Variants in CSMD1 observed in about 807,000 individuals in gnomAD.
CSMD1 encodes the protein CUB and sushi domain-containing protein 1.
A neutral mutation model predicts 417.5 loss-of-function variants in CSMD1; 213 were observed. That is an observed-to-expected ratio of 0.51 (90% CI 0.46 to 0.57). The LOEUF is 0.57. CSMD1 is among the 20% of genes least tolerant of loss of function. The pLI, the probability that CSMD1 is intolerant of heterozygous loss-of-function variation, is 0.00. For synonymous variants in CSMD1, 2,862 were observed against 1,736.8 expected (o/e 1.65, Z -16.11); for missense variants, 6,923 against 4,529.7 (o/e 1.53, Z -15.17).
At chr8:3,256,452 C>G (rs78394973) in intron 26 of CSMD1, among the ~76,000 whole-genome samples, 11 of 152,148 alleles carry the variant, frequency 7.2e-5, no homozygotes, top group African/African-American at 2.4e-4. Flanking sequence ...GTCCCCTTCT[C>G]CTAACTTTTT....
intron 41 of CSMD1, among the ~76,000 whole-genome samples, chr8:3,141,527 C>A (rs1818479465): frequency 6.6e-6 from 1 of 152,114 alleles, no homozygotes; most frequent in Admixed American, 6.5e-5. Flanking sequence ...AGGGGTCATG[C>A]AGCCTCTGGT....
intron 5 of CSMD1, among the ~76,000 whole-genome samples, chr8:3,945,770 T>C (rs1411350191): frequency 1.3e-5 from 2 of 152,068 alleles, no homozygotes; most frequent in Non-Finnish European, 2.9e-5. Flanking sequence ...GAACTGGAGA[T>C]ATGAAAGTAG....
At chr8:3,983,280 A>G (rs544327621) in intron 5 of CSMD1, among the ~76,000 whole-genome samples, 57 of 151,718 alleles carry the variant, frequency 3.8e-4, no homozygotes, top group African/African-American at 9.4e-4. Context: ...ACAGGCGCCC[A>G]CCACCACGCC....
chr8:4,116,715 G>A (rs983845899), intron 3 of CSMD1, among the ~76,000 whole-genome samples: 4 of 151,998 alleles, frequency 2.6e-5, no homozygotes, highest in Admixed American at 2.0e-4. Context: ...CCATGCAGCA[G>A]GGCAGGTGTT....
In CSMD1 at chr8:3,686,877, C is replaced by T. The variant is rs547975332; in HGVS notation, c.1009+21537G>A. ...GCATGCTTTTCTCCTGTTAATCTTT[C>T]TTATGTCGATTTCATTCTTGGGCCG... On this transcript the variant is annotated intron_variant, in intron 7 of 69. Transcript: ENST00000635120. Among the ~76,000 whole-genome samples the T allele has an allele frequency of 1.2e-4, 19 of 152,258 alleles. No individual in the cohort carries two copies. In the East Asian group the frequency reaches 3.3e-3, roughly 26 times the overall value.
intron 3 of CSMD1, among the ~76,000 whole-genome samples, chr8:4,191,733 G>T (rs893154540): frequency 1.2e-4 from 13 of 112,708 alleles, no homozygotes; most frequent in African/African-American, 3.9e-4. Flanking sequence ...TGAAAAAAGG[G>T]AAGGTCATTC....
intron 12 of CSMD1, among the ~76,000 whole-genome samples, chr8:3,413,238 G>C (rs765397403): frequency 6.6e-6 from 1 of 151,538 alleles, no homozygotes; most frequent in Non-Finnish European, 1.5e-5. Flanking sequence ...TTTCTCCTTA[G>C]AGTAAAATAA....
chr8:3,881,345 G>A (rs1382965970), intron 5 of CSMD1, among the ~76,000 whole-genome samples: 2 of 150,074 alleles, frequency 1.3e-5, no homozygotes, highest in South Asian at 4.2e-4. Flanking sequence ...TATATAAAAA[G>A]CAAGTTGGGG....
chr8:4,832,305 T>G (rs1017271158), intron 1 of CSMD1, among the ~76,000 whole-genome samples: 2 of 152,060 alleles, frequency 1.3e-5, no homozygotes, highest in African/African-American at 4.8e-5. Flanking sequence ...TTAGCGCACA[T>G]GAGGAGATGG....
chr8:4,023,673 G>C (rs1413175163), intron 4 of CSMD1, among the ~76,000 whole-genome samples: 6 of 143,670 alleles, frequency 4.2e-5, no homozygotes. Context: ...TGCAAGCTCC[G>C]CCTCCAGGGT....
intron 3 of CSMD1, among the ~76,000 whole-genome samples, chr8:4,308,242 AG>A (rs1158682177): frequency 6.6e-6 from 1 of 151,786 alleles, no homozygotes; most frequent in Admixed American, 6.6e-5. Context: ...AGTCATGTAT[AG>A]TTTTTTTTAT....
intron 5 of CSMD1, among the ~76,000 whole-genome samples, chr8:3,766,595 T>A (rs547131953): frequency 6.6e-6 from 1 of 152,132 alleles, no homozygotes; most frequent in Non-Finnish European, 1.5e-5. Context: ...AAAAAGGCAG[T>A]GTCGCCAAAC....
At chr8:4,304,407 A>T (rs905749801) in intron 3 of CSMD1, among the ~76,000 whole-genome samples, 7 of 152,162 alleles carry the variant, frequency 4.6e-5, no homozygotes, top group African/African-American at 7.2e-5. Flanking sequence ...ATTACCATCT[A>T]AGAGCGACAG....
At chr8:4,314,011 C>G (rs993667848) in intron 3 of CSMD1, among the ~76,000 whole-genome samples, 3 of 150,146 alleles carry the variant, frequency 2.0e-5, no homozygotes, top group African/African-American at 4.9e-5. Flanking sequence ...GAGAATCCGT[C>G]TCAAAATAAT....
intron 7 of CSMD1, among the ~76,000 whole-genome samples, chr8:3,676,620 G>C (rs926633619): frequency 6.6e-6 from 1 of 152,134 alleles, no homozygotes; most frequent in African/African-American, 2.4e-5. Context: ...GTTGCCGTGA[G>C]CTTGTGTGTT....
intron 3 of CSMD1, among the ~76,000 whole-genome samples, chr8:4,040,897 G>C (rs904008707): frequency 6.6e-6 from 1 of 151,988 alleles, no homozygotes; most frequent in Admixed American, 6.5e-5. Context: ...AATGGCTCTT[G>C]AGAAGCATCA....
intron 2 of CSMD1, among the ~76,000 whole-genome samples, chr8:4,467,033 G>C (rs1800214900): frequency 6.8e-6 from 1 of 146,824 alleles, no homozygotes; most frequent in Admixed American, 6.9e-5. Context: ...GGCAACAAAA[G>C]TCTGTTTCAT....
At chr8:3,611,617 G>A (rs558969962) in intron 8 of CSMD1, among the ~76,000 whole-genome samples, 2 of 151,966 alleles carry the variant, frequency 1.3e-5, no homozygotes, top group East Asian at 1.9e-4. Flanking sequence ...ATTTTCTAAC[G>A]AAAATTAGAA....
intron 3 of CSMD1, among the ~76,000 whole-genome samples, chr8:4,197,937 G>C (rs775440523): frequency 6.6e-6 from 1 of 152,118 alleles, no homozygotes; most frequent in South Asian, 2.1e-4. Context: ...TAGTAATTCT[G>C]TACACATTGT....
Sources: gnomAD v4.1 joint callset for allele counts (sites outside exome capture counted in the v4.1 genomes callset) on GRCh38, gnomAD v4.1.1 for gene constraint, MANE v1.5 for transcripts, NCBI Gene and HGNC (gene_info 2026-07-23, HGNC 2026-07-21) for gene names.